The following TTC28 variants were observed in gnomAD, a reference collection of about 807,000 sequenced individuals.
TTC28 encodes the protein tetratricopeptide repeat protein 28.
Under a neutral mutation model 198.0 loss-of-function variants are expected in TTC28, and 61 were observed. The ratio of observed to expected loss-of-function variants is 0.31; its 90% CI spans 0.25 to 0.38. TTC28 has a LOEUF of 0.38. Among genes scored for constraint, TTC28 ranks in the 10% least tolerant of loss-of-function variants. TTC28 has a pLI of 1.00. For synonymous variants in TTC28, 1,171 were observed against 1,297.8 expected (o/e 0.90, Z 2.10); for missense variants, 2,678 against 3,164.0 (o/e 0.85, Z 3.69).
rs141167900 is a variant in TTC28 at position 28,348,990 on chromosome 22, C to T, written c.382-42347G>A. On this transcript the variant is annotated intron_variant, in intron 2 of 22. Transcript: ENST00000397906. ...CCACAAGACCACCTCAAATGACACA[C>T]ACAGTGCCCTGACAAAAAACAAAAT... 1.6e-3 allele frequency among the ~76,000 whole-genome samples: 237 copies of T among 152,304 alleles called. 1 individual carries two copies. The highest frequency in any genetic ancestry group is 5.2e-3 in the African/African-American group (216 of 41,572).
chr22:28,357,822 C>T (rs1406878175), intron 2 of TTC28, among the ~76,000 whole-genome samples: 2 of 152,104 alleles, frequency 1.3e-5, no homozygotes, highest in Admixed American at 6.6e-5. Context: ...AGGGGTGAGT[C>T]ACAAAGGACT....
intron 6 of TTC28, among the ~76,000 whole-genome samples, chr22:28,136,612 T>G (rs1943205206): frequency 6.6e-6 from 1 of 152,202 alleles, no homozygotes; most frequent in Non-Finnish European, 1.5e-5. Flanking sequence ...GCTCTAGATG[T>G]CCAGGGAAAT....
chr22:28,334,366 C>A (rs528419451), intron 2 of TTC28, among the ~76,000 whole-genome samples: 24 of 152,130 alleles, frequency 1.6e-4, no homozygotes, highest in Non-Finnish European at 3.1e-4. Flanking sequence ...GGTATATACC[C>A]AGTAATGGGA....
At chr22:28,136,533 C>T (rs1258786558) in intron 6 of TTC28, among the ~76,000 whole-genome samples, 2 of 152,198 alleles carry the variant, frequency 1.3e-5, no homozygotes, top group African/African-American at 4.8e-5. Flanking sequence ...ACACTTGGAG[C>T]AGTCCTCTTC....
At chr22:28,515,548 G>A (rs759469173) in intron 2 of TTC28, among the ~76,000 whole-genome samples, 5 of 152,092 alleles carry the variant, frequency 3.3e-5, no homozygotes, top group Non-Finnish European at 5.9e-5. Context: ...CAGAGCTCTC[G>A]AGCACAAACT....
At chr22:28,617,513 C>A (rs2050921976) in intron 2 of TTC28, among the ~76,000 whole-genome samples, 1 of 151,708 alleles carries the variant, frequency 6.6e-6, no homozygotes, top group Non-Finnish European at 1.5e-5. Context: ...ATAAAGGGGG[C>A]ATATGATATG....
chr22:28,659,344 T>C (rs1468523181), intron 1 of TTC28, among the ~76,000 whole-genome samples: 10 of 151,886 alleles, frequency 6.6e-5, no homozygotes, highest in Admixed American at 1.3e-4. Context: ...TCTTGGCTCA[T>C]TGCAACCTCC....
intron 1 of TTC28, among the ~76,000 whole-genome samples, chr22:28,637,960 C>A (rs539522900): frequency 6.6e-6 from 1 of 152,064 alleles, no homozygotes; most frequent in African/African-American, 2.4e-5. Context: ...TCACAACAGA[C>A]AAAATAATTG....
At position 28,640,318 on chromosome 22, in the gene TTC28, G is replaced by T. The variant is rs541831687; in HGVS notation, c.103-10488C>A. 2.1e-3 allele frequency among the ~76,000 whole-genome samples: 301 copies of T among 144,382 alleles called. 5 individuals carry two copies. Among genetic ancestry groups the T allele is most frequent in the Non-Finnish European group, 3.6e-3 (238 of 65,792 alleles). The allele number at this position is 144,382 out of a possible 152,430, so 94.7% of individuals were successfully genotyped here. A position where few individuals can be genotyped will look rare whatever the true frequency, so the allele number is the denominator to read the frequency against. The stretch of plus-strand genomic sequence containing the variant: ...TAGAGGAGAAAAAAAGTAAAGGGGG[G>T]GGGGGGAAAGATGAGCAATAAGAGA... On this transcript the variant is annotated intron_variant, in intron 1 of 22. Transcript: ENST00000397906.
intron 17 of TTC28, among the ~76,000 whole-genome samples, chr22:27,994,265 G>A (rs998502483): frequency 7.2e-5 from 11 of 152,170 alleles, no homozygotes; most frequent in South Asian, 6.2e-4. Flanking sequence ...GCAACATAGC[G>A]AGACCCCAGC....
chr22:28,540,198 G>A (rs942213582), intron 2 of TTC28, among the ~76,000 whole-genome samples: 15 of 151,964 alleles, frequency 9.9e-5, no homozygotes, highest in African/African-American at 3.1e-4. Context: ...CGCCCATTTC[G>A]GCCTCCCAAA....
chr22:28,393,347 AT>A (rs1041851916), intron 2 of TTC28, among the ~76,000 whole-genome samples: 3 of 151,612 alleles, frequency 2.0e-5, no homozygotes, highest in African/African-American at 4.8e-5. Flanking sequence ...CATGGGTGTG[AT>A]TTTTTTTTCC....
At chr22:28,511,872 A>G (rs2048693151) in intron 2 of TTC28, among the ~76,000 whole-genome samples, 1 of 152,058 alleles carries the variant, frequency 6.6e-6, no homozygotes, top group African/African-American at 2.4e-5. Flanking sequence ...AAGAAAATCT[A>G]TGCAATACCA....
intron 5 of TTC28, among the ~76,000 whole-genome samples, chr22:28,254,151 T>C (rs749091326): frequency 5.3e-5 from 8 of 150,432 alleles, no homozygotes; most frequent in Non-Finnish European, 1.2e-4. Context: ...GAAAGGAAAG[T>C]AATGAGTCCA....
intron 6 of TTC28, among the ~76,000 whole-genome samples, chr22:28,130,230 C>T (rs1000276539): frequency 2.0e-5 from 3 of 152,114 alleles, no homozygotes; most frequent in Non-Finnish European, 2.9e-5. Flanking sequence ...TTAATGAACA[C>T]ATACCTAAAT....
Position 28,056,115 on chromosome 22 carries a change from T to C in TTC28, c.3933-25749A>G, listed in dbSNP as rs1003292881. On this transcript the variant is annotated intron_variant, in intron 12 of 22. Transcript: ENST00000397906. Reference sequence around the variant, plus strand: ...TAAATAATTTTGTAGTGAATACCTATATTTTACTGCCTTGATTCTATCATT... The same window carrying C: ...TAAATAATTTTGTAGTGAATACCTACATTTTACTGCCTTGATTCTATCATT... The C allele has an allele frequency of 3.3e-5, 5 of 152,316 alleles. No individual in the cohort carries two copies. In the East Asian group the frequency reaches 9.6e-4, roughly 29 times the overall value. 9.4% of individuals were successfully genotyped at this position (152,316 alleles called of 1,614,324 possible).
At chr22:28,471,964 T>C (rs2048101653) in intron 2 of TTC28, among the ~76,000 whole-genome samples, 1 of 152,134 alleles carries the variant, frequency 6.6e-6, no homozygotes, top group Non-Finnish European at 1.5e-5. Context: ...GTGACTGTGC[T>C]CAAAGCATCT....
At chr22:28,505,363 C>T (rs1321413921) in intron 2 of TTC28, among the ~76,000 whole-genome samples, 1 of 151,880 alleles carries the variant, frequency 6.6e-6, no homozygotes, top group African/African-American at 2.4e-5. Flanking sequence ...ATGAAAGTGG[C>T]GAGTGAGTTC....
At chr22:28,523,116 T>C (rs2048940366) in intron 2 of TTC28, among the ~76,000 whole-genome samples, 1 of 151,980 alleles carries the variant, frequency 6.6e-6, no homozygotes, top group Admixed American at 6.6e-5. Context: ...AGAGATATAC[T>C]TTAAATATAA....
Sources: allele counts gnomAD v4.1 joint callset (sites outside exome capture counted in the v4.1 genomes callset), GRCh38; gene constraint gnomAD v4.1.1; transcripts MANE v1.5; gene names NCBI Gene and HGNC (gene_info 2026-07-23, HGNC 2026-07-21).